FLII: variants seen among roughly 807,000 people sequenced by gnomAD.
FLII encodes the protein FLII actin remodeling protein.
Under a neutral mutation model 156.2 loss-of-function variants are expected in FLII, and 101 were observed. That is an observed-to-expected ratio of 0.65 (90% CI 0.55 to 0.76). FLII has a LOEUF of 0.76. Among genes scored for constraint, FLII ranks in the 30% least tolerant of loss-of-function variants. FLII has a pLI of 0.00. For missense variants in FLII, 1,675 were observed against 1,682.8 expected (o/e 1.00, Z 0.08); for synonymous variants, 767 against 685.8 (o/e 1.12, Z -1.85).
chr17:18,252,463 A>G lies in FLII; in HGVS notation c.1098+9T>C. On this transcript the variant is annotated intron_variant, in intron 10 of 29. Transcript: ENST00000327031. ...TCTCTTGAGCCCTCTCAAACCCAGC[A>G]TGCCTGACCTCGATCTCCGTCAGGA... 1 of 1,612,840 alleles carries G rather than the reference A, an allele frequency of 6.2e-7. No individual in the cohort carries two copies. Among genetic ancestry groups the G allele is most frequent in the Non-Finnish European group, 8.5e-7 (1 of 1,179,244 alleles).
intron 1 of FLII, 127 bp from the exon 2 acceptor site, chr17:18,257,146 T>C: frequency 1.7e-6 from 1 of 587,000 alleles, no homozygotes; most frequent in Non-Finnish European, 3.0e-6. Context: ...CACAGACAAG[T>C]CATTTCATCA....
chr17:18,249,403 A>G lies in FLII; in HGVS notation c.1782T>C (p.Phe594=), dbSNP rs1321616490. ...GDESEEFLQV[F]DNDISYIEGG... ...CCTCAATGTAGGAGATGTCGTTGTC[A>G]AACACCTGTGTGTGTGAGGGTGTGG... is the stretch of plus-strand genomic sequence containing the variant. Residue 594 remains phenylalanine (F), a synonymous_variant, in exon 15 of 30, where the codon TTT becomes TTC. Transcript: ENST00000327031. 7 of 1,613,788 alleles carry G rather than the reference A, an allele frequency of 4.3e-6. No individual in the cohort carries two copies. Among genetic ancestry groups the G allele is most frequent in the Non-Finnish European group, 5.9e-6 (7 of 1,179,862 alleles).
Position 18,245,218 on chromosome 17 carries a change from G to A in FLII, c.3730C>T (p.Leu1244=). 6.2e-7 allele frequency: 1 copy of A among 1,613,932 alleles called. No individual in the cohort carries two copies. The highest frequency in any genetic ancestry group is 1.1e-5 in the South Asian group (1 of 91,070). The change falls in exon 30 of 30, where the codon CTG becomes TTG. Residue 1244 remains leucine, a synonymous_variant. Coordinates refer to ENST00000327031, the MANE Select transcript of FLII (RefSeq NM_002018.4). ...TGCTGCTCATTGCCCTTGCGGACCA[G>A]GCGCAGCCGGCGCGGCCGCTCATGT... The part of the protein sequence containing the change: ...KEHERPRRLR[L]VRKGNEQHAF...
Position 18,254,651 on chromosome 17 carries a change from T to A in FLII, c.445A>T (p.Asn149Tyr). The A allele has an allele frequency of 6.2e-7, 1 of 1,613,860 alleles. No homozygotes were observed. The highest frequency in any genetic ancestry group is 8.5e-7 in the Non-Finnish European group (1 of 1,179,906). The change falls in exon 6 of 30, where the codon AAC (asparagine) becomes TAC (tyrosine). Residue 149 changes from asparagine to tyrosine, a missense_variant. Around this residue, in one of 2 missense-constraint regions of FLII, gnomAD observed 343 missense variants for 413.5 expected, o/e 0.83. Coordinates refer to ENST00000327031, the MANE Select transcript of FLII (RefSeq NM_002018.4). Reference sequence around the variant, plus strand: ...TCCAGGTATAGTAGGTCAGTGAGGTTGATGAAGAGCTGGTTGGGGATGGTG... The same window carrying A: ...TCCAGGTATAGTAGGTCAGTGAGGTAGATGAAGAGCTGGTTGGGGATGGTG... ...IDTIPNQLFI[N>Y]LTDLLYLDLS... is the part of the protein sequence containing the mutation.
rs548577705 is a variant in FLII, at chr17:18,247,136, C to A, written c.2676+33G>T. 1.9e-4 allele frequency: 195 copies of A among 1,020,786 alleles called. 1 individual carries two copies. The highest frequency in any genetic ancestry group is 5.5e-4 in the East Asian group (19 of 34,522). The allele number at this position is 1,020,786 out of a possible 1,614,324, so 63.2% of individuals were successfully genotyped here. ...CGCCCTCGGCCTGCCCCCCACCCCC[C>A]CCCCCGCGCCCCGGTCCCGGCCCTG... is the stretch of plus-strand genomic sequence containing the variant. On this transcript the variant is annotated intron_variant, in intron 21 of 29. Coordinates refer to ENST00000327031, the MANE Select transcript of FLII (RefSeq NM_002018.4).
rs1180091364 is a variant in FLII, at chr17:18,245,048, G to A, written c.*90C>T. ...GTGGCACTGGACGTGGCTGGAGCAGGTGGTGTCACCTGAGTACATTCTTTG... is the reference window on the plus strand; with the variant it reads ...GTGGCACTGGACGTGGCTGGAGCAGATGGTGTCACCTGAGTACATTCTTTG... On this transcript the variant is annotated 3_prime_UTR_variant, in exon 30 of 30. Transcript: ENST00000327031. The A allele has an allele frequency of 7.0e-7, 1 of 1,427,474 alleles. No homozygotes were observed. Among genetic ancestry groups the A allele is most frequent in the African/African-American group, 1.4e-5 (1 of 70,500 alleles). 88.4% of individuals were successfully genotyped at this position (1,427,474 alleles called of 1,614,324 possible).
In FLII at chr17:18,251,230, G is replaced by A. The variant is rs746549969; in HGVS notation, c.1596+35C>T. 6.9e-6 allele frequency: 11 copies of A among 1,600,352 alleles called. No homozygotes were observed. In the Admixed American group the frequency reaches 1.7e-4, roughly 24 times the overall value. On this transcript the variant is annotated intron_variant, in intron 13 of 29. Transcript: ENST00000327031. ...GAGCCATCTTAGAGGAAGGTACTGG[G>A]CCACATGGCCCCTAACAGCATGCCC...
chr17:18,247,338 T>C lies in FLII; in HGVS notation c.2507A>G (p.Lys836Arg). 1 of 1,605,212 alleles carries C rather than the reference T, an allele frequency of 6.2e-7. No individual in the cohort carries two copies. The stretch of plus-strand genomic sequence containing the variant: ...CACCGTCAACACATCGTCCCAATTC[T>C]TGAACTTGGCCTTGAACACCTGCCA... The part of the protein sequence containing the change: ...TEAQVFKAKF[K>R]NWDDVLTVDY... Residue 836 changes from lysine to arginine, a missense_variant, in exon 21 of 30, where the codon AAG becomes AGG. Lys to Arg is a conservative substitution (Grantham distance 26). This residue lies in a region of FLII where 1,332 missense variants were observed against 1,269.3 expected (regional missense o/e 1.05). Coordinates refer to ENST00000327031, the MANE Select transcript of FLII (RefSeq NM_002018.4).
intron 18 of FLII, 114 bp downstream of exon 18, chr17:18,248,417 GTCCAGAAGGTGGCACCCTC>G (rs1162330871): frequency 1.3e-6 from 1 of 773,506 alleles, no homozygotes; most frequent in African/African-American, 1.7e-5. Flanking sequence ...ACTGTTCCTT[GTCCAGAAGGTGGCACCCTC>G]TCCCCACCAA....
intron 1 of FLII, among the ~76,000 whole-genome samples, chr17:18,257,794 C>T (rs1286507209): frequency 2.0e-5 from 3 of 152,216 alleles, no homozygotes; most frequent in African/African-American, 7.2e-5. Flanking sequence ...CCTGCCTCCT[C>T]GGCCCCAGCC....
At position 18,258,507 on chromosome 17, in the gene FLII, C is replaced by T. The variant is rs753265994; in HGVS notation, c.63+121G>A. 134 of 1,507,092 alleles carry T rather than the reference C, an allele frequency of 8.9e-5. No homozygotes were observed. Among genetic ancestry groups the T allele is most frequent in the Admixed American group, 3.5e-4 (17 of 48,310 alleles). The allele number at this position is 1,507,092 out of a possible 1,614,324, so 93.4% of individuals were successfully genotyped here. On this transcript the variant is annotated intron_variant, in intron 1 of 29. Coordinates refer to ENST00000327031, the MANE Select transcript of FLII (RefSeq NM_002018.4). This position sits in a 1 kb window ranked among gnomAD's most constrained non-coding sequence, Gnocchi z 4.2. ...GCCAGGGGAGAGCCCCACCCCGCCC[C>T]GGCCGCAGTCCCTGGGACACGCAGG...
intron 14 of FLII, among the ~76,000 whole-genome samples, chr17:18,249,636 A>T (rs776895395): frequency 5.3e-5 from 8 of 152,104 alleles, no homozygotes; most frequent in Non-Finnish European, 1.2e-4. Context: ...CTAAAAATAC[A>T]TAAATTAGCC....
At position 18,246,695 on chromosome 17, in the gene FLII, C is replaced by T. The variant is rs767490128; in HGVS notation, c.2950G>A (p.Val984Met). ...GCTTCACGGCCCTGCCAGAAGTACA[C>T]GATGCACTGGAAGTCCTCCTCTGGC... is the stretch of plus-strand genomic sequence containing the variant. ...KQPEEDFQCI[V>M]YFWQGREASN... The change falls in exon 23 of 30, where the codon GTG becomes ATG. Residue 984 changes from valine (V) to methionine (M), a missense_variant. By Grantham distance (21) the Val-to-Met change is conservative. Transcript: ENST00000327031. The T allele has an allele frequency of 1.2e-6, 2 of 1,613,496 alleles. No homozygotes were observed. Among genetic ancestry groups the T allele is most frequent in the African/African-American group, 1.3e-5 (1 of 74,910 alleles).
In FLII at chr17:18,255,163, G is replaced by A; in HGVS notation, c.327+20C>T. On this transcript the variant is annotated intron_variant, in intron 4 of 29. Transcript: ENST00000327031. ...ATGGTCCGGCTAGCACAGGGGCCAG[G>A]TGAGTGGGTAGCCACTGACCAGGAC... 6.3e-7 allele frequency: 1 copy of A among 1,590,432 alleles called. No homozygotes were observed. Among genetic ancestry groups the A allele is most frequent in the Non-Finnish European group, 8.6e-7 (1 of 1,158,410 alleles).
chr17:18,244,975 A>C lies in FLII; in HGVS notation c.*163T>G. ...TTGGATTTCCCAGACCCCTGAGGGCACCTGTCAGGGTCATCCCCATTGGTG... is the reference window on the plus strand; with the variant it reads ...TTGGATTTCCCAGACCCCTGAGGGCCCCTGTCAGGGTCATCCCCATTGGTG... On this transcript the variant is annotated 3_prime_UTR_variant, in exon 30 of 30. Coordinates refer to ENST00000327031, the MANE Select transcript of FLII (RefSeq NM_002018.4). 1 of 752,816 alleles carries C rather than the reference A, an allele frequency of 1.3e-6. No individual in the cohort carries two copies. Among genetic ancestry groups the C allele is most frequent in the Non-Finnish European group, 2.2e-6 (1 of 456,244 alleles). 46.6% of individuals were successfully genotyped at this position (752,816 alleles called of 1,614,324 possible).
chr17:18,257,700 T>G (rs867816278), intron 1 of FLII, among the ~76,000 whole-genome samples: 4 of 152,212 alleles, frequency 2.6e-5, no homozygotes, highest in African/African-American at 9.6e-5. Context: ...GTTAGGGTGG[T>G]GGGGATGGGG....
rs750766391 is a variant in FLII at position 18,254,856 on chromosome 17, T to C, written c.328-2A>G. On this transcript the variant is annotated splice_acceptor_variant, in intron 4 of 29. Transcript: ENST00000327031. LOFTEE classifies it high-confidence loss of function. Reference sequence around the variant, plus strand: ...TGTCAGCTGGTTGTGGCTCAAGTCCTGGGTAGAAGGGGCAAGACCCAGGTC... The same window carrying C: ...TGTCAGCTGGTTGTGGCTCAAGTCCCGGGTAGAAGGGGCAAGACCCAGGTC... 1.2e-6 allele frequency: 2 copies of C among 1,614,076 alleles called. No homozygotes were observed. The highest frequency in any genetic ancestry group is 1.7e-6 in the Non-Finnish European group (2 of 1,179,984).
chr17:18,254,211 C>T (rs1236162398), intron 6 of FLII, 29 bp from the exon 7 acceptor site: 1 of 1,552,576 alleles, frequency 6.4e-7, no homozygotes, highest in East Asian at 2.3e-5. Flanking sequence ...TGGTCAGGGC[C>T]AGGGCCCACC....
At chr17:18,245,483 C>T in intron 28 of FLII, 64 bp from the exon 29 acceptor site, 1 of 1,612,010 alleles carries the variant, frequency 6.2e-7, no homozygotes, top group Admixed American at 1.7e-5. Flanking sequence ...TGCTCCTGGC[C>T]CGAGAATTCC....
Sources: allele counts gnomAD v4.1 joint callset (sites outside exome capture counted in the v4.1 genomes callset), GRCh38; gene constraint gnomAD v4.1.1; regional missense constraint gnomAD v4.1.1; non-coding constraint Gnocchi (gnomAD v3.1); transcripts MANE v1.5; gene names NCBI Gene and HGNC (gene_info 2026-07-23, HGNC 2026-07-21).